The following TMPRSS9 variants were observed in gnomAD, a reference collection of about 807,000 sequenced individuals.
TMPRSS9 encodes the protein transmembrane protease serine 9.
Under a neutral mutation model 111.4 loss-of-function variants are expected in TMPRSS9, and 113 were observed. That is an observed-to-expected ratio of 1.01 (90% CI 0.87 to 1.19). TMPRSS9 has a LOEUF of 1.19. Among genes scored for constraint, TMPRSS9 ranks in the 50% most tolerant of loss-of-function variants. The pLI, the probability that TMPRSS9 is intolerant of heterozygous loss-of-function variation, is 0.00. For synonymous variants in TMPRSS9, 805 were observed against 659.1 expected (o/e 1.22, Z -3.39); for missense variants, 1,803 against 1,513.1 (o/e 1.19, Z -3.18).
intron 1 of TMPRSS9, chr19:2,396,159 T>A (rs769076984): frequency 9.7e-5 from 17 of 175,054 alleles, no homozygotes; most frequent in Admixed American, 1.8e-4. Context: ...TTCCAGAGGT[T>A]ACGCCCTGAA....
At chr19:2,390,122 G>A (rs538703819) in intron 1 of TMPRSS9, among the ~76,000 whole-genome samples, 195 bp downstream of exon 2, 10 of 151,818 alleles carry the variant, frequency 6.6e-5, no homozygotes, top group East Asian at 3.9e-4. Context: ...CAGTTTTCCC[G>A]ACTAAAGAAG....
At chr19:2,404,298 T>C (rs1301366708) in intron 6 of TMPRSS9, among the ~76,000 whole-genome samples, 1 of 151,782 alleles carries the variant, frequency 6.6e-6, no homozygotes, top group East Asian at 1.9e-4. Context: ...GAAATCATTG[T>C]CTGTCTAAAA....
intron 1 of TMPRSS9, among the ~76,000 whole-genome samples, chr19:2,390,350 C>T (rs1970562720): frequency 2.1e-5 from 3 of 146,188 alleles, no homozygotes. Flanking sequence ...TCACACCGTT[C>T]TCCTGTGTCA....
upstream of TMPRSS9, among the ~76,000 whole-genome samples, chr19:2,388,504 C>A (rs944254913): frequency 6.6e-6 from 1 of 152,186 alleles, no homozygotes; most frequent in Non-Finnish European, 1.5e-5. Context: ...AGATGGGAAA[C>A]GTATTCTCCC....
intron 1 of TMPRSS9, among the ~76,000 whole-genome samples, chr19:2,364,591 T>TG (rs1195905775): frequency 3.3e-5 from 5 of 151,142 alleles, no homozygotes; most frequent in Non-Finnish European, 5.9e-5. Context: ...AAAAAAAAAT[T>TG]GGGGGGGATA....
chr19:2,365,820 C>T (rs1204634865), intron 1 of TMPRSS9, among the ~76,000 whole-genome samples: 4 of 151,962 alleles, frequency 2.6e-5, no homozygotes, highest in Non-Finnish European at 5.9e-5. Context: ...AAAAATGAGC[C>T]AGGCATGGTG....
At chr19:2,389,664 C>T (rs577883830), upstream of TMPRSS9, 3,150 of 1,263,362 alleles carry the variant, frequency 2.5e-3, 4 homozygotes, top group Admixed American at 3.2e-3. Flanking sequence ...CACCGCGCCC[C>T]GCCGTTTTTA....
rs113386934 is a variant in TMPRSS9 at position 2,389,942 on chromosome 19, G to C, written c.142+15G>C. On this transcript the variant is annotated intron_variant, in intron 1 of 17. Coordinates refer to ENST00000648592, the Ensembl canonical transcript of TMPRSS9. ...AGTCCTTTTGGGTAAGTGGCTATGG[G>C]ATTGGCTGGGTTCGCAATACAAGGG... 4.1e-5 allele frequency: 66 copies of C among 1,598,128 alleles called. 2 individuals carry two copies. The African/African-American group carries it at 5.4e-4, about 13-fold the overall frequency.
chr19:2,417,062 C>T (rs780754892), intron 12 of TMPRSS9, among the ~76,000 whole-genome samples: 4 of 152,212 alleles, frequency 2.6e-5, no homozygotes, highest in Non-Finnish European at 5.9e-5. Flanking sequence ...GTTCACACAT[C>T]AACAGATTGT....
At chr19:2,382,000 G>A (rs1247053849) in intron 1 of TMPRSS9, among the ~76,000 whole-genome samples, 3 of 151,966 alleles carry the variant, frequency 2.0e-5, no homozygotes, top group Admixed American at 6.6e-5. Flanking sequence ...GTGCCATCAC[G>A]CCCAGCTAAT....
intron 9 of TMPRSS9, among the ~76,000 whole-genome samples, chr19:2,410,790 A>T (rs1599304475): frequency 1.3e-5 from 2 of 152,210 alleles, no homozygotes; most frequent in Admixed American, 6.6e-5. Flanking sequence ...GCTGCCCTCC[A>T]AACCGGGACT....
exon 16 of TMPRSS9, chr19:2,425,060 G>C: frequency 6.4e-7 from 1 of 1,569,568 alleles, no homozygotes; most frequent in Non-Finnish European, 8.6e-7. Flanking sequence ...GAGCGGCGCG[G>C]AGGGGCAGCT....
At chr19:2,418,211 G>T in intron 13 of TMPRSS9, 73 bp downstream of exon 14, 3 of 1,552,118 alleles carry the variant, frequency 1.9e-6, no homozygotes, top group Non-Finnish European at 2.6e-6. Flanking sequence ...GCAGTTCTTT[G>T]TGTGCAGACC....
chr19:2,399,173 T>C, exon 4 of TMPRSS9: 1 of 1,605,708 alleles, frequency 6.2e-7, no homozygotes, highest in African/African-American at 1.3e-5. Context: ...TATGGCACAA[T>C]TGTGTCGGCT....
chr19:2,393,464 A>AC (rs1473312758), intron 1 of TMPRSS9, among the ~76,000 whole-genome samples: 1 of 152,186 alleles, frequency 6.6e-6, no homozygotes, highest in Non-Finnish European at 1.5e-5. Context: ...CAGCAAGAAC[A>AC]AACTCCGGAC....
At chr19:2,417,268 T>C (rs947668145) in intron 12 of TMPRSS9, among the ~76,000 whole-genome samples, 2 of 151,902 alleles carry the variant, frequency 1.3e-5, no homozygotes, top group African/African-American at 4.8e-5. Flanking sequence ...GAGTTTGAGA[T>C]CAGCCTGGCC....
At chr19:2,415,098 C>A (rs1971196501) in intron 10 of TMPRSS9, among the ~76,000 whole-genome samples, 1 of 151,756 alleles carries the variant, frequency 6.6e-6, no homozygotes, top group Non-Finnish European at 1.5e-5. Context: ...GTGCCCATCA[C>A]CATGCTTGGC....
intron 12 of TMPRSS9, among the ~76,000 whole-genome samples, 170 bp downstream of exon 13, chr19:2,416,979 C>G (rs1971254933): frequency 6.6e-6 from 1 of 152,138 alleles, no homozygotes; most frequent in Admixed American, 6.6e-5. Context: ...CTCTCACTTC[C>G]CCATTCCATC....
chr19:2,407,228 C>T (rs1033208128), intron 7 of TMPRSS9, among the ~76,000 whole-genome samples: 3 of 151,854 alleles, frequency 2.0e-5, no homozygotes, highest in African/African-American at 7.3e-5. Context: ...AATGTTGATA[C>T]TTGGACAGGC....
Sources: gnomAD v4.1 joint callset for allele counts (sites outside exome capture counted in the v4.1 genomes callset) on GRCh38, gnomAD v4.1.1 for gene constraint, MANE v1.5 for transcripts, NCBI Gene and HGNC (gene_info 2026-07-23, HGNC 2026-07-21) for gene names.